Variants in XKR9 observed in about 807,000 individuals in gnomAD.
XKR9 encodes XK related 9.
XKR9 carries 32 observed loss-of-function variants against 32.0 expected under a neutral mutation model. That is an observed-to-expected ratio of 1.00 (90% CI 0.76 to 1.34). XKR9 has a LOEUF of 1.34. XKR9 is among the 40% of genes most tolerant of loss of function. XKR9 has a pLI of 0.00. For missense variants in XKR9, 546 were observed against 429.7 expected (o/e 1.27, Z -2.39); for synonymous variants, 168 against 143.4 (o/e 1.17, Z -1.22).
the XKR9 span, among the ~76,000 whole-genome samples, chr8:71,035,251 A>T: frequency 6.6e-6 from 1 of 152,210 alleles, no homozygotes; most frequent in African/African-American, 2.4e-5. Context: ...AATGCACAGG[A>T]GTGATTTATA....
intron 2 of XKR9, among the ~76,000 whole-genome samples, chr8:70,746,717 C>T (rs1276338514): frequency 6.6e-6 from 1 of 151,754 alleles, no homozygotes; most frequent in African/African-American, 2.4e-5. Flanking sequence ...TCTGTCTTCC[C>T]CAAAACTCAT....
chr8:70,867,708 T>G, the XKR9 span, among the ~76,000 whole-genome samples: 1 of 151,886 alleles, frequency 6.6e-6, no homozygotes, highest in Non-Finnish European at 1.5e-5. Context: ...CACCTTGGCC[T>G]TCCAGAGTGC....
chr8:70,909,388 G>A, the XKR9 span, among the ~76,000 whole-genome samples: 2 of 152,138 alleles, frequency 1.3e-5, no homozygotes, highest in Non-Finnish European at 2.9e-5. Context: ...TCAAAATGCA[G>A]CAATATTCTC....
chr8:70,790,799 C>T (rs2130269548), downstream of XKR9, among the ~76,000 whole-genome samples: 1 of 152,088 alleles, frequency 6.6e-6, no homozygotes, highest in Middle Eastern at 3.4e-3. Context: ...AATTGGGTGG[C>T]TTATTAGCAA....
chr8:70,860,397 T>A, the XKR9 span, among the ~76,000 whole-genome samples: 1 of 152,132 alleles, frequency 6.6e-6, no homozygotes, highest in African/African-American at 2.4e-5. Flanking sequence ...CCTGACCAAC[T>A]ATGATGGCAC....
the XKR9 span, among the ~76,000 whole-genome samples, chr8:70,938,853 G>A: frequency 6.6e-6 from 1 of 151,972 alleles, no homozygotes; most frequent in South Asian, 2.1e-4. Flanking sequence ...TCCATGTAGG[G>A]GGCTAGGGGT....
At chr8:70,972,660 G>T in the XKR9 span, among the ~76,000 whole-genome samples, 2 of 152,158 alleles carry the variant, frequency 1.3e-5, no homozygotes, top group South Asian at 2.1e-4. Context: ...TTTACTGAGG[G>T]TTTTAATCAT....
Position 70,734,039 on chromosome 8 carries a change from C to T in XKR9, c.737C>T (p.Ala246Val), listed in dbSNP as rs1221879525. 3 of 1,612,962 alleles carry T rather than the reference C, an allele frequency of 1.9e-6. No individual in the cohort carries two copies. Among genetic ancestry groups the T allele is most frequent in the South Asian group, 1.1e-5 (1 of 90,910 alleles). ...LFLWLLGIIW[A>V]FKNNTQFCTC... The stretch of plus-strand genomic sequence containing the variant: ...CTTTGGTTGTTAGGTATAATATGGG[C>T]ATTTAAAAACAACACCCAGTTTTGT... The change falls in exon 5 of 5, where the codon GCA becomes GTA. Residue 246 changes from alanine (A) to valine (V), a missense_variant. By Grantham distance (64) the Ala-to-Val change is moderately conservative. Coordinates refer to ENST00000408926, the MANE Select transcript of XKR9 (RefSeq NM_001011720.2).
At chr8:70,814,838 C>A in the XKR9 span, among the ~76,000 whole-genome samples, 2 of 152,124 alleles carry the variant, frequency 1.3e-5, no homozygotes, top group African/African-American at 2.4e-5. Flanking sequence ...AATCTTATGT[C>A]TAGAAAACCC....
At chr8:70,758,484 A>T (rs547588393) in intron 2 of XKR9, among the ~76,000 whole-genome samples, 163 of 152,280 alleles carry the variant, frequency 1.1e-3, no homozygotes, top group Non-Finnish European at 9.9e-4. Flanking sequence ...CAGCTGTCTT[A>T]TTCCCCAGTT....
chr8:70,789,548 TGAG>T (rs1224435397), intron 3 of XKR9: 1 of 152,008 alleles, frequency 6.6e-6, no homozygotes, highest in Non-Finnish European at 1.5e-5. Context: ...GAAGTAGAGA[TGAG>T]GAGGTAACTA....
At chr8:70,902,470 A>C in the XKR9 span, among the ~76,000 whole-genome samples, 13 of 152,184 alleles carry the variant, frequency 8.5e-5, no homozygotes, top group Non-Finnish European at 1.6e-4. Context: ...TTCTTGGTGT[A>C]TAGGAATGCT....
the XKR9 span, among the ~76,000 whole-genome samples, chr8:70,820,442 A>G: frequency 6.6e-6 from 1 of 152,304 alleles, no homozygotes; most frequent in Non-Finnish European, 1.5e-5. Flanking sequence ...GCTTACAGTC[A>G]TGTTGGAAGG....
chr8:70,927,630 A>G, the XKR9 span, among the ~76,000 whole-genome samples: 1 of 152,082 alleles, frequency 6.6e-6, no homozygotes, highest in African/African-American at 2.4e-5. Flanking sequence ...CAGGTCTCTG[A>G]TACCTCTTTT....
At chr8:70,899,056 A>G in the XKR9 span, among the ~76,000 whole-genome samples, 1 of 152,150 alleles carries the variant, frequency 6.6e-6, no homozygotes, top group African/African-American at 2.4e-5. Flanking sequence ...TGGGACTAAA[A>G]TTGTGCACCA....
At chr8:70,722,957 T>A (rs1398244527) in intron 4 of XKR9, among the ~76,000 whole-genome samples, 1 of 152,166 alleles carries the variant, frequency 6.6e-6, no homozygotes, top group Non-Finnish European at 1.5e-5. Context: ...TTTGGTCTTT[T>A]CACAGAGTCC....
rs549363397 is a variant in XKR9, at chr8:70,765,221, C to T, written n.353-24118C>T. On this transcript the variant is annotated intron_variant and non_coding_transcript_variant, in intron 2 of 3. Transcript: ENST00000520273. ...TACACTCCCACCAACAGTGTAAAAG[C>T]GTACCTATTTCTCCACATCCTCTTC... 9.2e-5 allele frequency among the ~76,000 whole-genome samples: 14 copies of T among 152,246 alleles called. 1 individual carries two copies. The East Asian group carries it at 1.7e-3, about 19-fold the overall frequency.
the XKR9 span, among the ~76,000 whole-genome samples, chr8:70,861,184 C>A: frequency 6.6e-6 from 1 of 152,126 alleles, no homozygotes; most frequent in South Asian, 2.1e-4. Context: ...CAAAGACAGG[C>A]AACTCTTCAC....
chr8:70,935,228 T>C, the XKR9 span, among the ~76,000 whole-genome samples: 9 of 57,410 alleles, frequency 1.6e-4, no homozygotes, highest in Admixed American at 5.1e-4. Flanking sequence ...CACACACACA[T>C]ACACATTTGA....
Sources: allele counts gnomAD v4.1 joint callset (sites outside exome capture counted in the v4.1 genomes callset), GRCh38; gene constraint gnomAD v4.1.1; transcripts MANE v1.5; gene names NCBI Gene and HGNC (gene_info 2026-07-23, HGNC 2026-07-21).